WEE1: variants seen among roughly 807,000 people sequenced by gnomAD.
WEE1 encodes the protein wee1-like protein kinase.
WEE1 carries 16 observed loss-of-function variants against 68.8 expected under a neutral mutation model. The ratio of observed to expected loss-of-function variants is 0.23; its 90% CI spans 0.16 to 0.35. The LOEUF is 0.35. Among genes scored for constraint, WEE1 ranks in the 10% least tolerant of loss-of-function variants. WEE1 has a pLI of 1.00. For synonymous variants in WEE1, 349 were observed against 318.7 expected, an observed-to-expected ratio of 1.09 and a Z score of -1.01; for missense variants, 651 against 824.1, an observed-to-expected ratio of 0.79 and a Z score of 2.57.
In WEE1 at chr11:9,589,175, A is replaced by G. The variant is rs1041177929; in HGVS notation, c.*573A>G. ...GCTATTTTAGTTTTGTCTTTGCTGT[A>G]AACTTGTAGCATTAAACAATCATTG... On this transcript the variant is annotated 3_prime_UTR_variant, in exon 11 of 11. Coordinates refer to ENST00000450114, the MANE Select transcript of WEE1 (RefSeq NM_003390.4). 2 of 985,760 alleles carry G rather than the reference A, an allele frequency of 2.0e-6. No homozygotes were observed. The highest frequency in any genetic ancestry group is 2.4e-6 in the Non-Finnish European group (2 of 829,898). The allele number at this position is 985,760 out of a possible 1,614,324, so 61.1% of individuals were successfully genotyped here. A position where few individuals can be genotyped will look rare whatever the true frequency, so the allele number is the denominator to read the frequency against.
chr11:9,583,836 T>C (rs1348874549), intron 6 of WEE1, among the ~76,000 whole-genome samples: 3 of 95,008 alleles, frequency 3.2e-5, no homozygotes, highest in East Asian at 3.0e-4. Context: ...TATATATATA[T>C]ATATATATAT....
chr11:9,588,313 GT>G, intron 10 of WEE1, 135 bp from the exon 11 acceptor site: 1 of 538,180 alleles, frequency 1.9e-6, no homozygotes, highest in Admixed American at 3.9e-5. Flanking sequence ...AGAAGCTTCA[GT>G]TTCCTGTTTT....
At chr11:9,581,472 G>T (rs1409617007) in intron 5 of WEE1, 60 bp from the exon 6 acceptor site, 67 of 1,509,106 alleles carry the variant, frequency 4.4e-5, no homozygotes, top group Non-Finnish European at 5.7e-5. Context: ...ATTTGGTAAA[G>T]ATGGAAGAAA....
Position 9,574,800 on chromosome 11 carries a change from C to T in WEE1, c.576+291C>T. 1 of 1,003,848 alleles carries T rather than the reference C, an allele frequency of 1.0e-6. No homozygotes were observed. 62.2% of individuals were successfully genotyped at this position (1,003,848 alleles called of 1,614,324 possible). A position where few individuals can be genotyped will look rare whatever the true frequency, so the allele number is the denominator to read the frequency against. On this transcript the variant is annotated intron_variant, in intron 1 of 10. Transcript: ENST00000450114. The surrounding 1 kb of genome is among the most constrained non-coding windows in gnomAD (Gnocchi z 4.9). ...TGAGTCCGGGCCGCCCCGAGCGTGT[C>T]AGCCCCGAGTGCGGCACCGATAACG... is the stretch of plus-strand genomic sequence containing the variant.
In WEE1 at chr11:9,576,218, C is replaced by T. The variant is rs1428061638; in HGVS notation, c.783-12C>T. 6.5e-7 allele frequency: 1 copy of T among 1,540,928 alleles called. No homozygotes were observed. Among genetic ancestry groups the T allele is most frequent in the South Asian group, 1.2e-5 (1 of 84,642 alleles). ...GTCAGATATATTGATAGAAAAATAACATTTTTTTTAGTTCCTGTGGTGAAG... is the reference window on the plus strand; with the variant it reads ...GTCAGATATATTGATAGAAAAATAATATTTTTTTTAGTTCCTGTGGTGAAG... On this transcript the variant is annotated splice_polypyrimidine_tract_variant and intron_variant, in intron 2 of 10. Transcript: ENST00000450114. The surrounding 1 kb of genome is among the most constrained non-coding windows in gnomAD (Gnocchi z 4.3).
At chr11:9,577,810 C>T (rs78686165) in intron 5 of WEE1, 65 of 448,622 alleles carry the variant, frequency 1.4e-4, no homozygotes, top group African/African-American at 1.1e-3. Flanking sequence ...TCTAGCTTGT[C>T]GTCTCTCCCT....
At position 9,586,804 on chromosome 11, in the gene WEE1, C is replaced by A. The variant is rs756801426; in HGVS notation, c.1735C>A (p.Gln579Lys). 6.2e-7 allele frequency: 1 copy of A among 1,613,652 alleles called. No homozygotes were observed. Residue 579 changes from glutamine to lysine, a missense_variant, in exon 10 of 11, where the codon CAA becomes AAA. Gln to Lys is a moderately conservative substitution (Grantham distance 53, BLOSUM62 1). Around this residue, in one of 5 missense-constraint regions of WEE1, gnomAD observed 115 missense variants for 142.7 expected, o/e 0.81. Transcript: ENST00000450114. ...GTCCGCTTCTAGAAAGAGTGCAGAACAATTACGAATAGAATTGAATGCCGA... is the reference window on the plus strand; with the variant it reads ...GTCCGCTTCTAGAAAGAGTGCAGAAAAATTACGAATAGAATTGAATGCCGA... ...LLSASRKSAE[Q>K]LRIELNAEKF...
chr11:9,577,438 C>T (rs1298183327), intron 5 of WEE1, 175 bp downstream of exon 5: 2 of 693,986 alleles, frequency 2.9e-6, no homozygotes, highest in Non-Finnish European at 2.3e-6. Flanking sequence ...TTCTGAAGCA[C>T]CTTGTACATA....
intron 5 of WEE1, chr11:9,577,692 A>G (rs1849579101): frequency 6.1e-6 from 2 of 329,818 alleles, no homozygotes; most frequent in African/African-American, 4.4e-5. Flanking sequence ...GTTGATCTAA[A>G]TTCAGCTGTT....
intron 1 of WEE1, 86 bp from the exon 2 acceptor site, chr11:9,575,802 A>G (rs1288535741): frequency 1.7e-6 from 2 of 1,191,228 alleles, no homozygotes; most frequent in African/African-American, 1.5e-5. Flanking sequence ...ATTCAGCCCT[A>G]TGAAAGGCTC....
At chr11:9,580,231 A>C (rs866118217) in intron 5 of WEE1, 1 of 149,478 alleles carries the variant, frequency 6.7e-6, no homozygotes, top group African/African-American at 2.5e-5. Context: ...TGTGGAGAAG[A>C]GTGTGTGTGT....
chr11:9,578,716 T>C (rs1849590258), intron 5 of WEE1: 1 of 152,132 alleles, frequency 6.6e-6, no homozygotes, highest in African/African-American at 2.4e-5. Flanking sequence ...ATGTCAAATA[T>C]GTAGCAACCT....
Position 9,576,696 on chromosome 11 carries a change from C to T in WEE1, c.1019+37C>T. ...ACATTTTGTCTTTTGCTCTTTTGTCCCCTATGGTGTTACTAACATTAAGGT... is the reference window on the plus strand; with the variant it reads ...ACATTTTGTCTTTTGCTCTTTTGTCTCCTATGGTGTTACTAACATTAAGGT... On this transcript the variant is annotated intron_variant, in intron 4 of 10. Transcript: ENST00000450114. The surrounding 1 kb of genome is among the most constrained non-coding windows in gnomAD (Gnocchi z 4.3). 1.3e-6 allele frequency: 2 copies of T among 1,579,406 alleles called. No homozygotes were observed. The highest frequency in any genetic ancestry group is 1.7e-6 in the Non-Finnish European group (2 of 1,165,802).
At chr11:9,583,753 ACGCG>A (rs368149320) in intron 6 of WEE1, among the ~76,000 whole-genome samples, 1,024 of 96,474 alleles carry the variant, frequency 0.011, 36 homozygotes, top group Middle Eastern at 0.014. Flanking sequence ...GTGTGCGTGC[ACGCG>A]CGCGCACACA....
At chr11:9,581,762 A>C in intron 6 of WEE1, 84 bp downstream of exon 6, 4 of 1,349,616 alleles carry the variant, frequency 3.0e-6, no homozygotes, top group Non-Finnish European at 4.0e-6. Context: ...GAAAAAATAT[A>C]TATCTTCTGT....
intron 6 of WEE1, among the ~76,000 whole-genome samples, chr11:9,583,821 A>ACT (rs1849668815): frequency 6.1e-5 from 2 of 32,986 alleles, no homozygotes; most frequent in Non-Finnish European, 1.5e-4. Context: ...ATATATATAT[A>ACT]TATATATATA....
rs907459775 is a variant in WEE1, at chr11:9,574,611, C to T, written c.576+102C>T. On this transcript the variant is annotated intron_variant, in intron 1 of 10. Coordinates refer to ENST00000450114, the MANE Select transcript of WEE1 (RefSeq NM_003390.4). The surrounding 1 kb of genome is among the most constrained non-coding windows in gnomAD (Gnocchi z 4.9). The stretch of plus-strand genomic sequence containing the variant: ...TTACAGAAGCGGCCGGCCGCTCCCC[C>T]CTCGCTTTCCTGCGCCGCCCCCCAA... The T allele has an allele frequency of 5.3e-6, 6 of 1,121,820 alleles. No homozygotes were observed. The highest frequency in any genetic ancestry group is 6.5e-6 in the Non-Finnish European group (6 of 918,514). The allele number at this position is 1,121,820 out of a possible 1,614,324, so 69.5% of individuals were successfully genotyped here.
intron 5 of WEE1, chr11:9,578,141 T>C (rs1029563325): frequency 3.6e-6 from 1 of 280,500 alleles, no homozygotes; most frequent in Non-Finnish European, 6.9e-6. Context: ...ATGAAAAATA[T>C]CTGTAGTTTG....
intron 1 of WEE1, chr11:9,575,453 T>C: frequency 6.9e-6 from 7 of 1,013,024 alleles, no homozygotes; most frequent in Non-Finnish European, 8.3e-6. Flanking sequence ...TACTGTTTAT[T>C]GGCCGACTTG....
Sources: allele counts gnomAD v4.1 joint callset (sites outside exome capture counted in the v4.1 genomes callset), GRCh38; gene constraint gnomAD v4.1.1; regional missense constraint gnomAD v4.1.1; non-coding constraint Gnocchi (gnomAD v3.1); transcripts MANE v1.5; gene names NCBI Gene and HGNC (gene_info 2026-07-23, HGNC 2026-07-21).